ASCC1: variants seen among roughly 807,000 people sequenced by gnomAD.
ASCC1 encodes the protein activating signal cointegrator 1 complex subunit 1.
ASCC1 carries 35 observed loss-of-function variants against 46.6 expected under a neutral mutation model. The ratio of observed to expected loss-of-function variants is 0.75; its 90% CI spans 0.57 to 0.99. The LOEUF is 0.99. Ranked by LOEUF, ASCC1 falls within the 50% of genes least tolerant of loss-of-function variation. The pLI is 0.00. For synonymous variants in ASCC1, 143 were observed against 146.6 expected (o/e 0.98, Z 0.18); for missense variants, 376 against 428.7 (o/e 0.88, Z 1.09).
intron 9 of ASCC1, among the ~76,000 whole-genome samples, chr10:72,108,080 T>C (rs562169347): frequency 3.7e-4 from 55 of 149,650 alleles, no homozygotes; most frequent in Non-Finnish European, 7.3e-4. Context: ...CTTTTTCTTT[T>C]TTTTTTTTTT....
At chr10:72,169,335 G>A (rs771915222) in intron 5 of ASCC1, among the ~76,000 whole-genome samples, 3 of 152,060 alleles carry the variant, frequency 2.0e-5, no homozygotes, top group South Asian at 2.1e-4. Flanking sequence ...AGCTACTCAG[G>A]AGGCTGAAGT....
At chr10:72,211,780 G>A (rs552623216) in intron 2 of ASCC1, among the ~76,000 whole-genome samples, 32 of 151,476 alleles carry the variant, frequency 2.1e-4, no homozygotes, top group Non-Finnish European at 4.1e-4. Flanking sequence ...CCGAGATCGC[G>A]CCACTGCACT....
intron 7 of ASCC1, among the ~76,000 whole-genome samples, chr10:72,140,793 T>C (rs1417527339): frequency 6.6e-6 from 1 of 152,156 alleles, no homozygotes; most frequent in Non-Finnish European, 1.5e-5. Flanking sequence ...CTATGTATAG[T>C]GATGCAGGGC....
At chr10:72,192,429 T>C (rs1349260045) in intron 5 of ASCC1, among the ~76,000 whole-genome samples, 1 of 146,278 alleles carries the variant, frequency 6.8e-6, no homozygotes, top group Non-Finnish European at 1.5e-5. Context: ...AACTCCAGCC[T>C]GAGTGACAGG....
At chr10:72,103,119 T>C (rs1841971278) in intron 9 of ASCC1, among the ~76,000 whole-genome samples, 1 of 151,756 alleles carries the variant, frequency 6.6e-6, no homozygotes. Flanking sequence ...CCCCACGAAA[T>C]AGATACTATG....
intron 7 of ASCC1, among the ~76,000 whole-genome samples, chr10:72,146,599 C>G (rs1163639907): frequency 6.6e-6 from 1 of 152,094 alleles, no homozygotes; most frequent in African/African-American, 2.4e-5. Context: ...AACAGAATAG[C>G]CACAGTGTTC....
At chr10:72,129,957 G>C (rs961141528) in intron 8 of ASCC1, among the ~76,000 whole-genome samples, 1 of 133,946 alleles carries the variant, frequency 7.5e-6, no homozygotes, top group Non-Finnish European at 1.5e-5. Flanking sequence ...CTCCAGCCTG[G>C]GCAACAGAGA....
chr10:72,190,486 A>C lies in ASCC1; in HGVS notation c.489+6325T>G. On this transcript the variant is annotated intron_variant, in intron 5 of 9. Coordinates refer to ENST00000672957, the MANE Select transcript of ASCC1 (RefSeq NM_001198800.3). Reference sequence around the variant, plus strand: ...CAGGCCGAAAGAGCCGTGGCCTTGGAAAGGGCCATAAGTTCCACCACACTA... The same window carrying C: ...CAGGCCGAAAGAGCCGTGGCCTTGGCAAGGGCCATAAGTTCCACCACACTA... The C allele has an allele frequency of 2.5e-6, 4 of 1,597,752 alleles. No homozygotes were observed. In the Admixed American group the frequency reaches 6.7e-5, roughly 27 times the overall value.
intron 9 of ASCC1, among the ~76,000 whole-genome samples, chr10:72,113,588 T>C (rs1843159684): frequency 6.6e-6 from 1 of 152,134 alleles, no homozygotes; most frequent in South Asian, 2.1e-4. Context: ...AAGGAAAAAA[T>C]TTGGTGAAAC....
intron 5 of ASCC1, among the ~76,000 whole-genome samples, chr10:72,174,695 C>T (rs1851651784): frequency 6.6e-6 from 1 of 152,196 alleles, no homozygotes. Flanking sequence ...CTTTTAGGAA[C>T]TCCAGGTATA....
chr10:72,166,061 AG>A (rs1850297460), intron 5 of ASCC1, among the ~76,000 whole-genome samples: 1 of 152,214 alleles, frequency 6.6e-6, no homozygotes, highest in South Asian at 2.1e-4. Flanking sequence ...TAACACTGCT[AG>A]GAAGAGATGA....
chr10:72,216,823 G>A (rs943310960), upstream of ASCC1: 1 of 455,956 alleles, frequency 2.2e-6, no homozygotes, highest in African/African-American at 2.0e-5. Context: ...CAACTTACCT[G>A]ACAGGGCCAA....
chr10:72,175,899 G>C (rs1200906548), intron 5 of ASCC1, among the ~76,000 whole-genome samples: 1 of 152,182 alleles, frequency 6.6e-6, no homozygotes, highest in Non-Finnish European at 1.5e-5. Context: ...GGTTAACAGC[G>C]CAAGAGAGAT....
At chr10:72,125,748 T>C (rs1844790384) in intron 9 of ASCC1, among the ~76,000 whole-genome samples, 1 of 152,292 alleles carries the variant, frequency 6.6e-6, no homozygotes, top group South Asian at 2.1e-4. Flanking sequence ...TTAAATACTA[T>C]ACTAAAGGAT....
At chr10:72,146,415 C>T (rs900316133) in intron 7 of ASCC1, among the ~76,000 whole-genome samples, 5 of 152,082 alleles carry the variant, frequency 3.3e-5, no homozygotes, top group Non-Finnish European at 5.9e-5. Context: ...TCAGAGTGAA[C>T]GTTTTCAGAA....
chr10:72,155,618 T>A (rs1427519897), intron 6 of ASCC1, among the ~76,000 whole-genome samples: 1 of 152,206 alleles, frequency 6.6e-6, no homozygotes, highest in African/African-American at 2.4e-5. Context: ...TATTTTTTAG[T>A]GGTAAGATTA....
At chr10:72,097,498 G>T in intron 9 of ASCC1, 48 bp from the exon 10 acceptor site, 2 of 1,140,628 alleles carry the variant, frequency 1.8e-6, no homozygotes, top group South Asian at 1.3e-5. Flanking sequence ...AAGTATAGAT[G>T]AAAATATTAA....
chr10:72,097,392 C>G lies in ASCC1; in HGVS notation c.1016G>C (p.Arg339Thr). ...LKLNSIHISQ[R>T]FTVDSFGNYA... is the part of the protein sequence containing the mutation. ...GTTTCCAAAGCTGTCTACGGTGAACCTCTGAGAGATGTGAATTGAATTCAG... is the reference window on the plus strand; with the variant it reads ...GTTTCCAAAGCTGTCTACGGTGAACGTCTGAGAGATGTGAATTGAATTCAG... The change falls in exon 10 of 10, where the codon AGG (arginine) becomes ACG (threonine). Residue 339 changes from arginine (R) to threonine (T), a missense_variant. By Grantham distance (71) the Arg-to-Thr change is moderately conservative. Coordinates refer to ENST00000672957, the MANE Select transcript of ASCC1 (RefSeq NM_001198800.3). The G allele has an allele frequency of 6.2e-7, 1 of 1,613,992 alleles. No individual in the cohort carries two copies. The highest frequency in any genetic ancestry group is 8.5e-7 in the Non-Finnish European group (1 of 1,179,902).
intron 5 of ASCC1, among the ~76,000 whole-genome samples, chr10:72,185,463 C>T (rs1853315812): frequency 6.6e-6 from 1 of 152,036 alleles, no homozygotes; most frequent in African/African-American, 2.4e-5. Flanking sequence ...CAAAGAAATA[C>T]CACTCAACAA....
Sources: allele counts gnomAD v4.1 joint callset (sites outside exome capture counted in the v4.1 genomes callset), GRCh38; gene constraint gnomAD v4.1.1; transcripts MANE v1.5; gene names NCBI Gene and HGNC (gene_info 2026-07-23, HGNC 2026-07-21).